GALNT17: variants seen among roughly 807,000 people sequenced by gnomAD.
The protein encoded by GALNT17 is polypeptide N-acetylgalactosaminyltransferase 17.
Under a neutral mutation model 63.7 loss-of-function variants are expected in GALNT17, and 29 were observed. The observed-to-expected ratio is 0.46, with a 90% CI of 0.34 to 0.62. The LOEUF (loss-of-function observed/expected upper bound fraction) is 0.62, where lower values mean the gene tolerates loss of function less well. Among genes scored for constraint, GALNT17 ranks in the 20% least tolerant of loss-of-function variants. The pLI, the probability that GALNT17 is intolerant of heterozygous loss-of-function variation, is 0.01. For synonymous variants in GALNT17, 305 were observed against 318.3 expected, an observed-to-expected ratio of 0.96 and a Z score of 0.45; for missense variants, 603 against 799.6, an observed-to-expected ratio of 0.75 and a Z score of 2.97.
chr7:71,265,737 GGGTGGAGGCGT>G (rs1351679867), intron 1 of GALNT17, among the ~76,000 whole-genome samples: 1 of 152,202 alleles, frequency 6.6e-6, no homozygotes, highest in Non-Finnish European at 1.5e-5. Context: ...TGAGGTCCAT[GGGTGGAGGCGT>G]GGTGGGAGCT....
intron 1 of GALNT17, among the ~76,000 whole-genome samples, chr7:71,146,546 C>T (rs528597084): frequency 6.6e-6 from 1 of 152,158 alleles, no homozygotes; most frequent in Non-Finnish European, 1.5e-5. Context: ...GCCCATGTGG[C>T]CCCTGGGAAG....
chr7:71,411,981 A>G (rs1392047193), intron 3 of GALNT17, among the ~76,000 whole-genome samples: 1 of 152,158 alleles, frequency 6.6e-6, no homozygotes, highest in African/African-American at 2.4e-5. Flanking sequence ...TCATAGGAGC[A>G]TTATCCTGTA....
At chr7:71,597,742 G>A (rs1295427100) in intron 6 of GALNT17, among the ~76,000 whole-genome samples, 4 of 151,988 alleles carry the variant, frequency 2.6e-5, no homozygotes, top group Admixed American at 2.6e-4. Flanking sequence ...AGCTTTCCTG[G>A]CAGAGGTTGT....
chr7:71,300,695 C>A, intron 1 of GALNT17: 1 of 256,620 alleles, frequency 3.9e-6, no homozygotes, highest in Non-Finnish European at 7.8e-6. Context: ...AAAGAGGAAG[C>A]AGAGAAAAGG....
chr7:71,158,103 T>C (rs1788270516), intron 1 of GALNT17, among the ~76,000 whole-genome samples: 1 of 151,102 alleles, frequency 6.6e-6, no homozygotes, highest in South Asian at 2.1e-4. Flanking sequence ...TGCAAATATC[T>C]CTTTGATATA....
chr7:71,646,990 C>T (rs975466062), intron 6 of GALNT17, among the ~76,000 whole-genome samples: 1 of 151,922 alleles, frequency 6.6e-6, no homozygotes, highest in African/African-American at 2.4e-5. Flanking sequence ...TCATGATCCA[C>T]CCACCTCAGC....
intron 2 of GALNT17, among the ~76,000 whole-genome samples, chr7:71,376,064 G>A (rs1010709066): frequency 6.1e-5 from 9 of 148,236 alleles, no homozygotes; most frequent in East Asian, 2.0e-4. Context: ...GGGCCATAGC[G>A]TGAGACTCCA....
At chr7:71,669,517 C>T (rs1179673862) in intron 7 of GALNT17, among the ~76,000 whole-genome samples, 1 of 147,800 alleles carries the variant, frequency 6.8e-6, no homozygotes, top group Non-Finnish European at 1.5e-5. Context: ...ACTCAAAAAA[C>T]AAAAACAAAC....
At chr7:71,294,137 G>C (rs536830185) in intron 1 of GALNT17, among the ~76,000 whole-genome samples, 2 of 148,952 alleles carry the variant, frequency 1.3e-5, no homozygotes, top group Non-Finnish European at 3.0e-5. Context: ...ACTCCAGCCT[G>C]GGCAACAGAG....
At chr7:71,554,124 C>T (rs925879010) in intron 5 of GALNT17, among the ~76,000 whole-genome samples, 17 of 152,194 alleles carry the variant, frequency 1.1e-4, no homozygotes, top group African/African-American at 2.2e-4. Flanking sequence ...CTTTGTGAAC[C>T]AACCTGTCTA....
intron 1 of GALNT17, among the ~76,000 whole-genome samples, chr7:71,192,876 T>C (rs971951568): frequency 3.3e-5 from 5 of 152,140 alleles, no homozygotes; most frequent in Admixed American, 6.6e-5. Flanking sequence ...CTTCCTTGAA[T>C]ACTTCTTGAC....
chr7:71,559,574 T>C (rs970926419), intron 5 of GALNT17, among the ~76,000 whole-genome samples: 1 of 152,158 alleles, frequency 6.6e-6, no homozygotes, highest in Non-Finnish European at 1.5e-5. Context: ...AAAATAATTA[T>C]GAATCAACCA....
chr7:71,611,130 C>T (rs1449065524), intron 6 of GALNT17, among the ~76,000 whole-genome samples: 1 of 152,130 alleles, frequency 6.6e-6, no homozygotes, highest in African/African-American at 2.4e-5. Context: ...CGCAGCAAAA[C>T]CTACTCTCTA....
intron 8 of GALNT17, among the ~76,000 whole-genome samples, chr7:71,676,714 A>G (rs1245228227): frequency 2.6e-5 from 4 of 152,178 alleles, no homozygotes; most frequent in African/African-American, 9.6e-5. Flanking sequence ...CCTTTATGCA[A>G]ATAATGACCT....
chr7:71,132,575 G>C lies in GALNT17; in HGVS notation c.-228G>C, dbSNP rs904606939. 2 of 536,228 alleles carry C rather than the reference G, an allele frequency of 3.7e-6. No homozygotes were observed. The highest frequency in any genetic ancestry group is 6.6e-6 in the Non-Finnish European group (2 of 304,794). The allele number at this position is 536,228 out of a possible 1,614,324, so 33.2% of individuals were successfully genotyped here. ...GTGGACTGAGCAGGCGTCTCGGGGA[G>C]CACTTCTGCAGAGCGAGGACTTCCA... On this transcript the variant is annotated 5_prime_UTR_variant, in exon 1 of 11. Coordinates refer to ENST00000333538, the MANE Select transcript of GALNT17 (RefSeq NM_022479.3).
intron 1 of GALNT17, among the ~76,000 whole-genome samples, chr7:71,299,871 T>C (rs1452458163): frequency 1.3e-5 from 2 of 152,128 alleles, no homozygotes; most frequent in East Asian, 3.9e-4. Context: ...GTTCAAGTGA[T>C]TCTCCTGCCT....
rs148817158 is a variant in GALNT17 at position 71,580,512 on chromosome 7, G to T, written c.1080+9110G>T. 4.0e-3 allele frequency among the ~76,000 whole-genome samples: 607 copies of T among 152,210 alleles called. 10 individuals carry two copies. The highest frequency in any genetic ancestry group is 0.014 in the African/African-American group (583 of 41,532). ...TGAGGGGATTTAAAAGAAGTAAGAG[G>T]ATTAGACTTTTCTTTTTACTAAAAA... is the stretch of plus-strand genomic sequence containing the variant. On this transcript the variant is annotated intron_variant, in intron 6 of 10. Coordinates refer to ENST00000333538, the MANE Select transcript of GALNT17 (RefSeq NM_022479.3).
chr7:71,313,829 G>A (rs975718114), intron 1 of GALNT17, among the ~76,000 whole-genome samples: 4 of 152,076 alleles, frequency 2.6e-5, no homozygotes, highest in Admixed American at 1.3e-4. Flanking sequence ...TAACTATTTC[G>A]GTGGTTGCAG....
intron 1 of GALNT17, among the ~76,000 whole-genome samples, chr7:71,137,916 T>TAG (rs1787817870): frequency 6.6e-6 from 1 of 152,218 alleles, no homozygotes; most frequent in Non-Finnish European, 1.5e-5. Context: ...CCCCAAAACT[T>TAG]AACTGTTAAT....
Sources: allele counts gnomAD v4.1 joint callset (sites outside exome capture counted in the v4.1 genomes callset), GRCh38; gene constraint gnomAD v4.1.1; transcripts MANE v1.5; gene names NCBI Gene and HGNC (gene_info 2026-07-23, HGNC 2026-07-21).